Variants in PARM1 observed in about 807,000 individuals in gnomAD.
PARM1 encodes WSC4, cell wall integrity and stress response component 4 homolog.
In PARM1, 14 loss-of-function variants were observed where a neutral mutation model predicts 24.6. The observed-to-expected ratio is 0.57, with a 90% CI of 0.38 to 0.89. PARM1 has a LOEUF of 0.89. Among genes scored for constraint, PARM1 ranks in the 40% least tolerant of loss-of-function variants. The pLI, the probability that PARM1 is intolerant of heterozygous loss-of-function variation, is 0.00. For synonymous variants in PARM1, 179 were observed against 156.6 expected, an observed-to-expected ratio of 1.14 and a Z score of -1.07; for missense variants, 362 against 380.4, an observed-to-expected ratio of 0.95 and a Z score of 0.40.
chr4:75,022,660 G>A (rs1723108927), intron 2 of PARM1, among the ~76,000 whole-genome samples: 1 of 152,190 alleles, frequency 6.6e-6, no homozygotes, highest in Non-Finnish European at 1.5e-5. Flanking sequence ...CTGAGAAAGT[G>A]GGATTTAACT....
intron 2 of PARM1, 113 bp from the exon 3 acceptor site, chr4:75,033,770 C>T: frequency 1.4e-6 from 1 of 694,498 alleles, no homozygotes; most frequent in South Asian, 2.6e-5. Flanking sequence ...TAGCTTTTCC[C>T]CCTTTCAGAG....
intron 1 of PARM1, among the ~76,000 whole-genome samples, chr4:74,984,159 T>C (rs1366595033): frequency 6.6e-6 from 1 of 152,176 alleles, no homozygotes; most frequent in Non-Finnish European, 1.5e-5. Context: ...GAGAAACCAT[T>C]CTACAGTCAC....
chr4:74,934,375 G>T (rs1203777140), intron 1 of PARM1, among the ~76,000 whole-genome samples: 1 of 152,172 alleles, frequency 6.6e-6, no homozygotes, highest in Non-Finnish European at 1.5e-5. Flanking sequence ...TTCTACTCGT[G>T]CTTTAGTCTG....
chr4:75,020,118 A>G (rs1723064775), intron 2 of PARM1, among the ~76,000 whole-genome samples: 1 of 152,142 alleles, frequency 6.6e-6, no homozygotes, highest in African/African-American at 2.4e-5. Flanking sequence ...AATAGGTTAA[A>G]GGGGAAAACA....
chr4:74,983,652 A>G (rs926585578), intron 1 of PARM1, among the ~76,000 whole-genome samples: 3 of 152,034 alleles, frequency 2.0e-5, no homozygotes, highest in Non-Finnish European at 4.4e-5. Context: ...ACTTTTATCC[A>G]TTACTTTTCC....
In PARM1 at chr4:75,013,118, T is replaced by C; in HGVS notation, c.737T>C (p.Ile246Thr). 1.2e-6 allele frequency: 2 copies of C among 1,613,778 alleles called. No homozygotes were observed. The highest frequency in any genetic ancestry group is 3.3e-5 in the Admixed American group (2 of 60,032). The change falls in exon 2 of 4, where the codon ATC (isoleucine) becomes ACC (threonine). Residue 246 changes from isoleucine (I) to threonine (T), a missense_variant. Ile to Thr is a moderately conservative substitution (Grantham distance 89). Coordinates refer to ENST00000307428, the MANE Select transcript of PARM1 (RefSeq NM_015393.4). The part of the protein sequence containing the change: ...METTTTFPRV[I>T]MQEVEHALSS... ...ACCACCACCACCTTTCCCAGGGTGATCATGCAGGAAGTAGAACATGCATTA... is the reference window on the plus strand; with the variant it reads ...ACCACCACCACCTTTCCCAGGGTGACCATGCAGGAAGTAGAACATGCATTA...
chr4:74,986,454 C>G (rs1322950173), intron 1 of PARM1, among the ~76,000 whole-genome samples: 2 of 152,198 alleles, frequency 1.3e-5, no homozygotes, highest in Non-Finnish European at 2.9e-5. Flanking sequence ...CCTCCACACC[C>G]TTTGTGTTAC....
At chr4:74,994,091 T>C (rs1005109092) in intron 1 of PARM1, 3 of 152,062 alleles carry the variant, frequency 2.0e-5, no homozygotes, top group African/African-American at 7.2e-5. Flanking sequence ...TGGAGTACAG[T>C]AGACTACCAA....
At chr4:75,036,103 A>G (rs577161969) in intron 3 of PARM1, among the ~76,000 whole-genome samples, 2 of 152,330 alleles carry the variant, frequency 1.3e-5, no homozygotes, top group African/African-American at 4.8e-5. Flanking sequence ...GAACTTACAC[A>G]TAAATTTTAG....
At chr4:74,938,575 A>G (rs1311839101) in intron 1 of PARM1, among the ~76,000 whole-genome samples, 1 of 152,190 alleles carries the variant, frequency 6.6e-6, no homozygotes, top group East Asian at 1.9e-4. Context: ...TTGCCTAGAA[A>G]TACAGAGCTA....
At position 75,046,273 on chromosome 4, in the gene PARM1, A is replaced by G. The variant is rs1031798424; in HGVS notation, c.*26A>G. 1.4e-6 allele frequency: 2 copies of G among 1,423,816 alleles called. No individual in the cohort carries two copies. Among genetic ancestry groups the G allele is most frequent in the Non-Finnish European group, 2.0e-6 (2 of 1,007,438 alleles). 88.2% of individuals were successfully genotyped at this position (1,423,816 alleles called of 1,614,324 possible). ...CAATGGAATATGGCCTGGGATGAGG[A>G]TTAACTGTTCTTTATTTATAAGTGC... On this transcript the variant is annotated 3_prime_UTR_variant, in exon 4 of 4. Transcript: ENST00000307428.
At chr4:75,024,108 A>C (rs1390952948) in intron 2 of PARM1, among the ~76,000 whole-genome samples, 1 of 152,076 alleles carries the variant, frequency 6.6e-6, no homozygotes, top group African/African-American at 2.4e-5. Flanking sequence ...CGTCTCTACT[A>C]AAAAATACCA....
intron 1 of PARM1, among the ~76,000 whole-genome samples, chr4:74,973,735 T>C (rs1722086779): frequency 6.6e-6 from 1 of 152,138 alleles, no homozygotes; most frequent in Non-Finnish European, 1.5e-5. Context: ...TCTGGCTGTC[T>C]CCTCTCTCTT....
chr4:75,012,060 T>C (rs549021420), intron 1 of PARM1, among the ~76,000 whole-genome samples: 2 of 152,194 alleles, frequency 1.3e-5, no homozygotes, highest in African/African-American at 4.8e-5. Flanking sequence ...AGCTGTGGAG[T>C]TGGCTGCTCG....
At chr4:75,001,238 T>C (rs1051902188) in intron 1 of PARM1, among the ~76,000 whole-genome samples, 2 of 152,216 alleles carry the variant, frequency 1.3e-5, no homozygotes, top group Non-Finnish European at 2.9e-5. Flanking sequence ...TGCTCATCAT[T>C]TGTAGAATGG....
At chr4:74,966,514 T>C (rs2109992323) in intron 1 of PARM1, among the ~76,000 whole-genome samples, 1 of 152,154 alleles carries the variant, frequency 6.6e-6, no homozygotes, top group South Asian at 2.1e-4. Flanking sequence ...AGGAACTTGA[T>C]CAGATATCAA....
intron 2 of PARM1, among the ~76,000 whole-genome samples, chr4:75,018,719 C>A (rs1723032734): frequency 6.6e-6 from 1 of 152,200 alleles, no homozygotes; most frequent in Non-Finnish European, 1.5e-5. Context: ...ACACAGGTAG[C>A]CCTCATCTGA....
intron 2 of PARM1, among the ~76,000 whole-genome samples, chr4:75,030,430 T>A (rs1485399987): frequency 6.6e-6 from 1 of 152,072 alleles, no homozygotes; most frequent in Non-Finnish European, 1.5e-5. Flanking sequence ...CTGCAAATGG[T>A]AGCTATGGTT....
intron 1 of PARM1, among the ~76,000 whole-genome samples, chr4:74,972,326 T>C (rs1722054321): frequency 6.6e-6 from 1 of 152,246 alleles, no homozygotes; most frequent in African/African-American, 2.4e-5. Context: ...AAAATACCTG[T>C]GATAATACTT....
Sources: gnomAD v4.1 joint callset for allele counts (sites outside exome capture counted in the v4.1 genomes callset) on GRCh38, gnomAD v4.1.1 for gene constraint, MANE v1.5 for transcripts, NCBI Gene and HGNC (gene_info 2026-07-23, HGNC 2026-07-21) for gene names.